RFLNA: variants seen among roughly 807,000 people sequenced by gnomAD.
RFLNA encodes the protein refilin-A.
A neutral mutation model predicts 7.8 loss-of-function variants in RFLNA; 5 were observed. The ratio of observed to expected loss-of-function variants is 0.64; its 90% CI spans 0.34 to 1.35. RFLNA has a LOEUF of 1.35. Ranked by LOEUF, RFLNA falls within the 40% of genes most tolerant of loss-of-function variation. The pLI, the probability that RFLNA is intolerant of heterozygous loss-of-function variation, is 0.04. For missense variants in RFLNA, 278 were observed against 305.5 expected (o/e 0.91, Z 0.67); for synonymous variants, 141 against 131.3 (o/e 1.07, Z -0.50).
At chr12:124,307,188 A>G (rs1387828789) in intron 1 of RFLNA, among the ~76,000 whole-genome samples, 1 of 152,240 alleles carries the variant, frequency 6.6e-6, no homozygotes, top group Admixed American at 6.5e-5. Flanking sequence ...TAAATGCGTA[A>G]GCAAAACCTG....
intron 2 of RFLNA, among the ~76,000 whole-genome samples, chr12:124,312,737 G>C (rs530106585): frequency 6.6e-6 from 1 of 152,180 alleles, no homozygotes; most frequent in African/African-American, 2.4e-5. Flanking sequence ...TGTAACTTAG[G>C]TTCTTGAGGC....
chr12:124,298,898 T>A (rs2033976878), intron 1 of RFLNA, among the ~76,000 whole-genome samples: 1 of 152,250 alleles, frequency 6.6e-6, no homozygotes, highest in Non-Finnish European at 1.5e-5. Context: ...AGGCATGGCC[T>A]GTTCGGGTGA....
At chr12:124,304,988 GTGTGTATTA>G (rs938590252) in intron 1 of RFLNA, among the ~76,000 whole-genome samples, 30 of 143,688 alleles carry the variant, frequency 2.1e-4, no homozygotes, top group African/African-American at 3.0e-5. Context: ...CTTTTGGGGA[GTGTGTATTA>G]TTTCTAAAAA....
upstream of RFLNA, among the ~76,000 whole-genome samples, chr12:124,292,366 T>C (rs2033837055): frequency 6.6e-6 from 1 of 152,182 alleles, no homozygotes; most frequent in African/African-American, 2.4e-5. Context: ...TTCAAGTCCC[T>C]TTTCCTTCTG....
chr12:124,313,559 G>C (rs2034291863), intron 2 of RFLNA, among the ~76,000 whole-genome samples: 1 of 152,018 alleles, frequency 6.6e-6, no homozygotes, highest in Non-Finnish European at 1.5e-5. Flanking sequence ...GGCGCCTGTA[G>C]TCCCAGCTAC....
chr12:124,290,366 T>C (rs1478964471), upstream of RFLNA, among the ~76,000 whole-genome samples: 1 of 151,954 alleles, frequency 6.6e-6, no homozygotes, highest in Non-Finnish European at 1.5e-5. The surrounding 1 kb of genome is among the most constrained non-coding windows in gnomAD (Gnocchi z 4.0). Flanking sequence ...ATGTGTGTAT[T>C]TGTGTGTTTG....
At chr12:124,294,525 C>A (rs2135669588), upstream of RFLNA, among the ~76,000 whole-genome samples, 1 of 152,310 alleles carries the variant, frequency 6.6e-6, no homozygotes, top group East Asian at 1.9e-4. Flanking sequence ...TGTTCATGAG[C>A]GAGGACCTGC....
chr12:124,289,815 G>A lies in RFLNA; in HGVS notation c.-37+445G>A, dbSNP rs1046519949. On this transcript the variant is annotated intron_variant, in intron 1 of 2. Coordinates refer to the RFLNA transcript ENST00000324038. This position sits in a 1 kb window ranked among gnomAD's most constrained non-coding sequence, Gnocchi z 5.0. ...AGTCCCTCGGGTGAGACAGGCCACC[G>A]GGGAACATGCGACTCCCCGGGGCAG... Among the ~76,000 whole-genome samples the A allele has an allele frequency of 5.3e-5, 8 of 152,162 alleles. No homozygotes were observed. Among genetic ancestry groups the A allele is most frequent in the South Asian group, 2.1e-4 (1 of 4,828 alleles).
chr12:124,298,545 C>A (rs1252346114), intron 1 of RFLNA, among the ~76,000 whole-genome samples: 1 of 152,182 alleles, frequency 6.6e-6, no homozygotes, highest in Non-Finnish European at 1.5e-5. Flanking sequence ...AGGCATTGGT[C>A]CCCCCAGTAC....
intron 1 of RFLNA, among the ~76,000 whole-genome samples, chr12:124,310,233 T>C (rs562585537): frequency 1.6e-5 from 2 of 126,528 alleles, no homozygotes; most frequent in Non-Finnish European, 3.2e-5. Flanking sequence ...CTGCCCTGAG[T>C]GAAATCTCTA....
intron 1 of RFLNA, among the ~76,000 whole-genome samples, chr12:124,309,053 G>A (rs2034188519): frequency 6.6e-6 from 1 of 152,242 alleles, no homozygotes; most frequent in African/African-American, 2.4e-5. Flanking sequence ...AGAAGCCCTA[G>A]AACAGGGTCC....
chr12:124,313,460 C>G (rs946150958), intron 2 of RFLNA, among the ~76,000 whole-genome samples: 2 of 152,254 alleles, frequency 1.3e-5, no homozygotes, highest in Non-Finnish European at 2.9e-5. Context: ...GGGCGGATCA[C>G]GAGGTCAGGA....
upstream of RFLNA, among the ~76,000 whole-genome samples, chr12:124,294,885 G>T (rs1004038484): frequency 6.6e-6 from 1 of 152,224 alleles, no homozygotes; most frequent in Non-Finnish European, 1.5e-5. Context: ...AGGCACCCTC[G>T]GTGCGCCAGT....
chr12:124,311,344 G>A (rs560798282), intron 1 of RFLNA, among the ~76,000 whole-genome samples: 162 of 106,350 alleles, frequency 1.5e-3, no homozygotes, highest in Non-Finnish European at 2.8e-3. Context: ...CTCCCTGGCA[G>A]GTGTGCCACA....
At chr12:124,298,025 C>G (rs1002925736) in intron 1 of RFLNA, among the ~76,000 whole-genome samples, 5 of 152,236 alleles carry the variant, frequency 3.3e-5, no homozygotes, top group Non-Finnish European at 1.5e-5. Context: ...TTCCAACACC[C>G]GAGGAAGAGG....
intron 1 of RFLNA, among the ~76,000 whole-genome samples, chr12:124,303,385 G>A (rs1489593312): frequency 1.3e-5 from 2 of 152,182 alleles, no homozygotes; most frequent in Middle Eastern, 3.2e-3. Flanking sequence ...CCCTTGGCGA[G>A]TGTCCACAGG....
At chr12:124,304,080 G>T (rs1416712413) in intron 1 of RFLNA, among the ~76,000 whole-genome samples, 16 of 152,358 alleles carry the variant, frequency 1.1e-4, no homozygotes, top group Admixed American at 7.2e-4. Flanking sequence ...CTTCTTGGCC[G>T]CGAGAGGCAC....
intron 1 of RFLNA, among the ~76,000 whole-genome samples, chr12:124,299,949 G>T (rs2033996519): frequency 6.6e-6 from 1 of 152,226 alleles, no homozygotes; most frequent in South Asian, 2.1e-4. Context: ...GGAGGAATGA[G>T]GATGGCTTTG....
At chr12:124,290,093 T>G (rs1044908468), upstream of RFLNA, among the ~76,000 whole-genome samples, 1 of 152,200 alleles carries the variant, frequency 6.6e-6, no homozygotes, top group Non-Finnish European at 1.5e-5. This position sits in a 1 kb window ranked among gnomAD's most constrained non-coding sequence, Gnocchi z 4.0. Flanking sequence ...GGATGTTCAG[T>G]GTTACTTCTG....
Sources: allele counts gnomAD v4.1 joint callset (sites outside exome capture counted in the v4.1 genomes callset), GRCh38; gene constraint gnomAD v4.1.1; non-coding constraint Gnocchi (gnomAD v3.1); transcripts MANE v1.5; gene names NCBI Gene and HGNC (gene_info 2026-07-23, HGNC 2026-07-21).